Variants in GPC5 observed in about 807,000 individuals in gnomAD.
GPC5 encodes the protein glypican 5, also known as glypican-5.
GPC5 carries 47 observed loss-of-function variants against 53.9 expected under a neutral mutation model. That is an observed-to-expected ratio of 0.87 (90% CI 0.69 to 1.11). The LOEUF is 1.11. Ranked by LOEUF, GPC5 falls within the 50% of genes most tolerant of loss-of-function variation. The probability of loss-of-function intolerance (pLI) is 0.00; values close to 1 mark genes in which losing one functional copy is unlikely to be tolerated. For missense variants in GPC5, 748 were observed against 713.1 expected, an observed-to-expected ratio of 1.05 and a Z score of -0.56; for synonymous variants, 286 against 263.3, an observed-to-expected ratio of 1.09 and a Z score of -0.84.
At position 92,857,215 on chromosome 13, in the gene GPC5, G is replaced by A. The variant is rs554883678; in HGVS notation, c.1562-9067G>A. ...CAAAGTTGACAAACATAAGCAATGGGGAACAGACTCCCTATTCAATAAATG... is the reference window on the plus strand; with the variant it reads ...CAAAGTTGACAAACATAAGCAATGGAGAACAGACTCCCTATTCAATAAATG... On this transcript the variant is annotated intron_variant, in intron 7 of 7. Coordinates refer to ENST00000377067, the MANE Select transcript of GPC5 (RefSeq NM_004466.6). 3.9e-5 allele frequency among the ~76,000 whole-genome samples: 6 copies of A among 152,120 alleles called. No homozygotes were observed. The South Asian group carries it at 1.2e-3, about 32-fold the overall frequency.
chr13:92,114,644 C>T (rs571154322), intron 6 of GPC5, among the ~76,000 whole-genome samples: 29 of 152,278 alleles, frequency 1.9e-4, no homozygotes, highest in Non-Finnish European at 3.2e-4. Flanking sequence ...ATCCTCCCTC[C>T]GTTTCTGTCC....
chr13:91,755,337 A>G (rs74456105), intron 4 of GPC5, among the ~76,000 whole-genome samples: 1 of 152,100 alleles, frequency 6.6e-6, no homozygotes, highest in Non-Finnish European at 1.5e-5. Context: ...TGCATATTCC[A>G]TGAATTTCTA....
chr13:92,698,614 C>T (rs962240671), intron 7 of GPC5, among the ~76,000 whole-genome samples: 8 of 152,052 alleles, frequency 5.3e-5, no homozygotes, highest in East Asian at 3.9e-4. Flanking sequence ...TGAACAGTGC[C>T]GCAATAAACA....
chr13:91,559,592 C>G (rs2031145864), intron 2 of GPC5, among the ~76,000 whole-genome samples: 1 of 152,146 alleles, frequency 6.6e-6, no homozygotes, highest in South Asian at 2.1e-4. Context: ...CCTGAATGAA[C>G]TTGGAATGTG....
intron 7 of GPC5, among the ~76,000 whole-genome samples, chr13:92,527,108 AAAAGAAAGAAAG>A (rs58356455): frequency 0.019 from 760 of 39,004 alleles, 20 homozygotes; most frequent in African/African-American, 0.03. Flanking sequence ...AAAGAAAGAA[AAAAGAAAGAAAG>A]AAAGAAAGAA....
intron 2 of GPC5, among the ~76,000 whole-genome samples, chr13:91,549,468 C>A (rs2030497158): frequency 6.6e-6 from 1 of 151,974 alleles, no homozygotes; most frequent in African/African-American, 2.4e-5. Context: ...GAAAACAAGC[C>A]TCAGACTGGG....
chr13:91,854,941 A>AT (rs918575459), intron 5 of GPC5, among the ~76,000 whole-genome samples: 6 of 151,344 alleles, frequency 4.0e-5, no homozygotes, highest in Non-Finnish European at 4.4e-5. Flanking sequence ...AAGTCACACG[A>AT]TTTTTTTTCT....
intron 7 of GPC5, among the ~76,000 whole-genome samples, chr13:92,171,673 AT>A (rs1395130757): frequency 6.6e-6 from 1 of 152,096 alleles, no homozygotes; most frequent in Non-Finnish European, 1.5e-5. Flanking sequence ...TCATTTAGTT[AT>A]TCATTGGGAA....
At chr13:91,660,885 C>T (rs902437218) in intron 2 of GPC5, among the ~76,000 whole-genome samples, 1 of 152,116 alleles carries the variant, frequency 6.6e-6, no homozygotes, top group Non-Finnish European at 1.5e-5. Context: ...AAAAAAATCT[C>T]TAGTCTTCTT....
At chr13:92,130,242 A>T (rs1208520716) in intron 6 of GPC5, among the ~76,000 whole-genome samples, 1 of 152,060 alleles carries the variant, frequency 6.6e-6, no homozygotes, top group Non-Finnish European at 1.5e-5. Context: ...TTTGCCTAGG[A>T]GACCCGAACT....
rs555872955 is a variant in GPC5, at chr13:92,384,039, A to G, written c.1561+239050A>G. ...CAGTTTGAAAGTTAAAAAATACAGG[A>G]TTTAGTGCAGCAAAGAGAGAAATAC... On this transcript the variant is annotated intron_variant, in intron 7 of 7. Coordinates refer to ENST00000377067, the MANE Select transcript of GPC5 (RefSeq NM_004466.6). Among the ~76,000 whole-genome samples the G allele has an allele frequency of 1.8e-4, 27 of 152,230 alleles. 1 individual carries two copies. In the South Asian group the frequency reaches 5.6e-3, roughly 32 times the overall value.
At chr13:92,806,557 T>C (rs576503907) in intron 7 of GPC5, among the ~76,000 whole-genome samples, 2 of 152,216 alleles carry the variant, frequency 1.3e-5, no homozygotes, top group East Asian at 3.9e-4. Context: ...TTACAGCTTT[T>C]GATTTAAAAT....
At chr13:92,546,041 A>G (rs868392048) in intron 7 of GPC5, among the ~76,000 whole-genome samples, 3 of 151,800 alleles carry the variant, frequency 2.0e-5, no homozygotes, top group Non-Finnish European at 4.4e-5. Context: ...TTCTAGAGAA[A>G]CCCACAGCCA....
intron 7 of GPC5, among the ~76,000 whole-genome samples, chr13:92,169,224 T>C (rs536759880): frequency 6.6e-6 from 1 of 152,228 alleles, no homozygotes; most frequent in South Asian, 2.1e-4. Context: ...AAATAGCTAA[T>C]GCATGCTGGG....
intron 7 of GPC5, among the ~76,000 whole-genome samples, chr13:92,314,208 T>C (rs552927448): frequency 5.9e-5 from 9 of 152,318 alleles, no homozygotes; most frequent in African/African-American, 2.2e-4. Flanking sequence ...GGTTGCTAGG[T>C]ATCTTGTACC....
chr13:91,713,433 G>A (rs981707477), intron 3 of GPC5, among the ~76,000 whole-genome samples: 4 of 151,590 alleles, frequency 2.6e-5, no homozygotes, highest in Non-Finnish European at 5.9e-5. Flanking sequence ...ATATAAAACC[G>A]AACGTGGAAA....
At chr13:92,479,441 G>T (rs1879269264) in intron 7 of GPC5, among the ~76,000 whole-genome samples, 1 of 152,168 alleles carries the variant, frequency 6.6e-6, no homozygotes, top group African/African-American at 2.4e-5. Context: ...CTTAACAAAA[G>T]TTCATAGAGG....
chr13:92,698,076 T>A (rs1036389827), intron 7 of GPC5, among the ~76,000 whole-genome samples: 1 of 152,206 alleles, frequency 6.6e-6, no homozygotes, highest in African/African-American at 2.4e-5. Context: ...ATAAGCTTTT[T>A]GATGTGCTGC....
intron 7 of GPC5, 89 bp downstream of exon 7, chr13:92,145,078 C>T: frequency 1.8e-6 from 2 of 1,136,814 alleles, no homozygotes; most frequent in Non-Finnish European, 2.3e-6. Flanking sequence ...GAAATAATGA[C>T]AATTCAAAAA....
Sources: gnomAD v4.1 joint callset for allele counts (sites outside exome capture counted in the v4.1 genomes callset) on GRCh38, gnomAD v4.1.1 for gene constraint, MANE v1.5 for transcripts, NCBI Gene and HGNC (gene_info 2026-07-23, HGNC 2026-07-21) for gene names.